Variants in SPATS2L observed in about 807,000 individuals in gnomAD.
SPATS2L encodes the protein spermatogenesis associated serine rich 2 like, also known as SPATS2-like protein.
A neutral mutation model predicts 59.6 loss-of-function variants in SPATS2L; 30 were observed. That is an observed-to-expected ratio of 0.50 (90% CI 0.38 to 0.68). SPATS2L has a LOEUF of 0.68. SPATS2L is among the 30% of genes least tolerant of loss of function. The probability of loss-of-function intolerance (pLI) is 0.00; values close to 1 mark genes in which losing one functional copy is unlikely to be tolerated. For synonymous variants in SPATS2L, 252 were observed against 263.5 expected (o/e 0.96, Z 0.42); for missense variants, 615 against 700.0 (o/e 0.88, Z 1.37).
intron 9 of SPATS2L, among the ~76,000 whole-genome samples, chr2:200,464,718 A>G (rs1470720751): frequency 2.0e-5 from 3 of 151,998 alleles, no homozygotes; most frequent in African/African-American, 4.8e-5. Flanking sequence ...GAGTCAAGCA[A>G]TCCTCCTGCC....
intron 2 of SPATS2L, among the ~76,000 whole-genome samples, chr2:200,334,771 TCCTTTCC>T (rs2080082871): frequency 5.9e-5 from 9 of 152,196 alleles, no homozygotes; most frequent in African/African-American, 2.2e-4. Flanking sequence ...AAATAGGGAA[TCCTTTCC>T]CCATTTCTTG....
At chr2:200,452,904 AAT>A in intron 8 of SPATS2L, among the ~76,000 whole-genome samples, 1 of 145,332 alleles carries the variant, frequency 6.9e-6, no homozygotes, top group Non-Finnish European at 1.5e-5. Context: ...AAAAAAAAAA[AAT>A]CTATTATTAT....
intron 2 of SPATS2L, among the ~76,000 whole-genome samples, chr2:200,381,503 G>C (rs1386919892): frequency 1.3e-5 from 2 of 152,184 alleles, no homozygotes; most frequent in African/African-American, 4.8e-5. Flanking sequence ...TACCTGTCTT[G>C]TTTCCCATCC....
At chr2:200,463,517 TAG>T in intron 9 of SPATS2L, 1 of 152,336 alleles carries the variant, frequency 6.6e-6, no homozygotes, top group Admixed American at 6.5e-5. Flanking sequence ...CAATAATATT[TAG>T]AGTTAGCATT....
At chr2:200,353,434 T>C (rs1444720641) in intron 2 of SPATS2L, among the ~76,000 whole-genome samples, 1 of 152,190 alleles carries the variant, frequency 6.6e-6, no homozygotes, top group Non-Finnish European at 1.5e-5. Flanking sequence ...TAACTATTCC[T>C]CACTGCCTGT....
At chr2:200,388,223 G>A (rs842822) in intron 2 of SPATS2L, among the ~76,000 whole-genome samples, 150,902 of 152,194 alleles carry the variant, frequency 0.99, 74,818 homozygotes, top group Middle Eastern at 1. Flanking sequence ...AGAGGTGGCA[G>A]CTTTAGATAT....
chr2:200,432,960 T>TAATTA lies in SPATS2L; in HGVS notation c.446-6162_446-6161insAATTA, dbSNP rs202138886. On this transcript the variant is annotated intron_variant, in intron 6 of 12. Transcript: ENST00000409140. ...ACTTAAGGAACAGTATCAGGCAGTC[T>TAATTA]CACATAGGTGTAATTAGAGTCTCAG... 1.7e-3 allele frequency among the ~76,000 whole-genome samples: 258 copies of TAATTA among 152,222 alleles called. 4 individuals carry two copies. In the East Asian group the frequency reaches 0.042, roughly 25 times the overall value.
At chr2:200,342,679 C>T (rs1419984349) in intron 2 of SPATS2L, among the ~76,000 whole-genome samples, 2 of 152,220 alleles carry the variant, frequency 1.3e-5, no homozygotes. Flanking sequence ...CTGGTGTCTT[C>T]TGGGACTGGT....
At chr2:200,456,509 T>C (rs2085844181) in intron 8 of SPATS2L, among the ~76,000 whole-genome samples, 1 of 152,220 alleles carries the variant, frequency 6.6e-6, no homozygotes, top group South Asian at 2.1e-4. Context: ...TTGTTTAATA[T>C]GTGTTAGACC....
intron 3 of SPATS2L, among the ~76,000 whole-genome samples, chr2:200,406,302 G>A (rs1260491228): frequency 6.6e-6 from 1 of 151,554 alleles, no homozygotes; most frequent in Non-Finnish European, 1.5e-5. Context: ...TGCCAATCGG[G>A]ATTATTTAGC....
intron 10 of SPATS2L, among the ~76,000 whole-genome samples, chr2:200,468,367 C>CACACACACACACACACACACACACACAG (rs2086762736): frequency 1.3e-5 from 2 of 151,594 alleles, no homozygotes; most frequent in Non-Finnish European, 1.5e-5. Context: ...CACACACACA[C>CACACACACACACACACACACACACACAG]ACACACACAC....
chr2:200,340,711 T>A (rs546055913), intron 2 of SPATS2L, among the ~76,000 whole-genome samples: 1 of 152,230 alleles, frequency 6.6e-6, no homozygotes, highest in South Asian at 2.1e-4. Context: ...TCACCATGGG[T>A]TACACAAATA....
intron 8 of SPATS2L, among the ~76,000 whole-genome samples, chr2:200,453,674 G>T (rs531397401): frequency 6.6e-6 from 1 of 152,322 alleles, no homozygotes; most frequent in African/African-American, 2.4e-5. Flanking sequence ...GCACTACTAG[G>T]CTATCAGCCC....
intron 2 of SPATS2L, among the ~76,000 whole-genome samples, chr2:200,388,986 G>T (rs545539405): frequency 2.6e-5 from 4 of 152,196 alleles, no homozygotes; most frequent in Non-Finnish European, 5.9e-5. Flanking sequence ...ATCTGTCTTT[G>T]TCGTTTTTCA....
chr2:200,381,994 A>G (rs2081829122), intron 2 of SPATS2L, among the ~76,000 whole-genome samples: 1 of 152,150 alleles, frequency 6.6e-6, no homozygotes, highest in Non-Finnish European at 1.5e-5. Context: ...CTGAGGGCCC[A>G]CTAACTGCAA....
intron 1 of SPATS2L, among the ~76,000 whole-genome samples, chr2:200,319,657 C>T (rs1311998920): frequency 6.6e-6 from 1 of 150,958 alleles, no homozygotes; most frequent in Non-Finnish European, 1.5e-5. Context: ...GGCTGCTATT[C>T]ACTCCCTTGA....
intron 2 of SPATS2L, among the ~76,000 whole-genome samples, chr2:200,352,448 C>T (rs1355526495): frequency 2.0e-5 from 3 of 150,646 alleles, no homozygotes; most frequent in Non-Finnish European, 4.4e-5. Context: ...TTCACCTCCA[C>T]TGTATTGATC....
chr2:200,477,989 T>G lies in SPATS2L; in HGVS notation c.1635T>G (p.Asp545Glu). ...LCPTRIEVST[D>E]AAVLSVPAVT... ...CCACGAGAATAGAAGTTTCCACAGA[T>G]GCAGCAGTTCTCTCAGTCCCGGCTG... The change falls in exon 13 of 13, where the codon GAT becomes GAG. Residue 545 changes from aspartate to glutamate, a missense_variant. Physicochemically the swap from Asp to Glu is conservative, Grantham distance 45. Coordinates refer to ENST00000409140, the MANE Select transcript of SPATS2L (RefSeq NM_001100423.2). 1.3e-6 allele frequency: 2 copies of G among 1,590,144 alleles called. No individual in the cohort carries two copies. The highest frequency in any genetic ancestry group is 1.7e-6 in the Non-Finnish European group (2 of 1,167,942).
chr2:200,317,860 A>G (rs1016791381), intron 1 of SPATS2L, among the ~76,000 whole-genome samples: 5 of 152,230 alleles, frequency 3.3e-5, no homozygotes, highest in African/African-American at 9.6e-5. Flanking sequence ...AAGAAGATTT[A>G]TATATGAATT....
Sources: allele counts gnomAD v4.1 joint callset (sites outside exome capture counted in the v4.1 genomes callset), GRCh38; gene constraint gnomAD v4.1.1; transcripts MANE v1.5; gene names NCBI Gene and HGNC (gene_info 2026-07-23, HGNC 2026-07-21).